Variants in CLSTN1 observed in about 807,000 individuals in gnomAD.
CLSTN1 encodes calsyntenin-1.
A neutral mutation model predicts 108.3 loss-of-function variants in CLSTN1; 28 were observed. The ratio of observed to expected loss-of-function variants is 0.26; its 90% confidence interval spans 0.19 to 0.35. The LOEUF (loss-of-function observed/expected upper bound fraction) is 0.35, where lower values mean the gene tolerates loss of function less well. Ranked by LOEUF, CLSTN1 falls within the 10% of genes least tolerant of loss-of-function variation. The probability of loss-of-function intolerance (pLI) is 1.00; values close to 1 mark genes in which losing one functional copy is unlikely to be tolerated. For synonymous variants in CLSTN1, 524 were observed against 534.9 expected (o/e 0.98, Z 0.28); for missense variants, 1,157 against 1,302.6 (o/e 0.89, Z 1.72).
At chr1:9,816,647 A>C (rs533879137) in intron 1 of CLSTN1, among the ~76,000 whole-genome samples, 1 of 151,612 alleles carries the variant, frequency 6.6e-6, no homozygotes, top group Non-Finnish European at 1.5e-5. Flanking sequence ...GGCATGACAA[A>C]AGTGGTCTTT....
At chr1:9,783,122 A>G (rs908716493) in intron 1 of CLSTN1, among the ~76,000 whole-genome samples, 1 of 152,218 alleles carries the variant, frequency 6.6e-6, no homozygotes, top group Non-Finnish European at 1.5e-5. Context: ...GGTGGCCCTG[A>G]TATCAGTCAA....
At chr1:9,783,755 G>A (rs1232009221) in intron 1 of CLSTN1, among the ~76,000 whole-genome samples, 1 of 152,144 alleles carries the variant, frequency 6.6e-6, no homozygotes, top group Non-Finnish European at 1.5e-5. Flanking sequence ...CACTTTGGGA[G>A]GCCAAGGTGA....
At chr1:9,745,993 A>C (rs1272778053) in intron 7 of CLSTN1, among the ~76,000 whole-genome samples, 1 of 151,826 alleles carries the variant, frequency 6.6e-6, no homozygotes, top group Non-Finnish European at 1.5e-5. Flanking sequence ...GTCTCCAACT[A>C]CTGGGCTCAA....
intron 1 of CLSTN1, among the ~76,000 whole-genome samples, chr1:9,807,873 C>T (rs541822892): frequency 6.6e-6 from 1 of 152,356 alleles, no homozygotes; most frequent in East Asian, 1.9e-4. Context: ...GCTCGGTCAC[C>T]TAGGACCCCA....
intron 2 of CLSTN1, among the ~76,000 whole-genome samples, chr1:9,756,999 C>T (rs1053518926): frequency 8.6e-5 from 13 of 151,622 alleles, no homozygotes; most frequent in African/African-American, 3.2e-4. Flanking sequence ...AGGATGGTCT[C>T]GATCTCCTGA....
chr1:9,738,310 C>A (rs1437214955), intron 10 of CLSTN1, among the ~76,000 whole-genome samples: 1 of 152,198 alleles, frequency 6.6e-6, no homozygotes, highest in Non-Finnish European at 1.5e-5. Flanking sequence ...AGAACCAACA[C>A]TCTCCAGGTC....
At chr1:9,737,618 C>A (rs893453898) in intron 10 of CLSTN1, 64 bp from the exon 11 acceptor site, 8 of 1,461,388 alleles carry the variant, frequency 5.5e-6, no homozygotes, top group Non-Finnish European at 7.6e-6. Context: ...CAAACCGGAC[C>A]TTGAAAACCA....
chr1:9,789,700 T>C (rs1012898499), intron 1 of CLSTN1, among the ~76,000 whole-genome samples: 3 of 151,600 alleles, frequency 2.0e-5, no homozygotes, highest in Admixed American at 6.7e-5. Flanking sequence ...TAAAATAAGC[T>C]GGGAGAGGTG....
chr1:9,789,238 CTT>C (rs1653649632), intron 1 of CLSTN1, among the ~76,000 whole-genome samples: 2 of 151,304 alleles, frequency 1.3e-5, no homozygotes, highest in Non-Finnish European at 1.5e-5. Context: ...GTGATTGTAT[CTT>C]TGTGTTTTGA....
At chr1:9,763,393 T>C (rs185977308) in intron 2 of CLSTN1, among the ~76,000 whole-genome samples, 1 of 152,322 alleles carries the variant, frequency 6.6e-6, no homozygotes, top group Non-Finnish European at 1.5e-5. Flanking sequence ...TTGTTAAAAA[T>C]GTGGTTTCCA....
intron 1 of CLSTN1, among the ~76,000 whole-genome samples, chr1:9,778,844 G>A (rs970776982): frequency 1.5e-4 from 22 of 151,346 alleles, no homozygotes; most frequent in East Asian, 5.8e-4. Context: ...GTAAAACCCC[G>A]TCTGTACTAA....
At chr1:9,807,011 T>TGG (rs200727734) in intron 1 of CLSTN1, among the ~76,000 whole-genome samples, 31 of 148,008 alleles carry the variant, frequency 2.1e-4, no homozygotes, top group African/African-American at 7.2e-4. Flanking sequence ...AGTAAGGGCG[T>TGG]GGGGGGGGGT....
chr1:9,787,005 G>A (rs1459712471), intron 1 of CLSTN1, among the ~76,000 whole-genome samples: 1 of 151,460 alleles, frequency 6.6e-6, no homozygotes, highest in Non-Finnish European at 1.5e-5. Flanking sequence ...AGGATGCCAG[G>A]AGAGTCCCAA....
chr1:9,756,749 C>T lies in CLSTN1; in HGVS notation c.215-239G>A, dbSNP rs189971102. On this transcript the variant is annotated intron_variant, in intron 2 of 18. Coordinates refer to ENST00000377298, the MANE Select transcript of CLSTN1 (RefSeq NM_001009566.3). The stretch of plus-strand genomic sequence containing the variant: ...TTAATTTAGGGATGAAATACTCCTA[C>T]ATGAAGTGTCCTAACACCCTCAGGG... Among the ~76,000 whole-genome samples the T allele has an allele frequency of 3.9e-5, 6 of 152,268 alleles. No homozygotes were observed. In the East Asian group the frequency reaches 1.2e-3, roughly 29 times the overall value.
chr1:9,777,717 G>A (rs1211574142), intron 1 of CLSTN1, among the ~76,000 whole-genome samples: 1 of 152,108 alleles, frequency 6.6e-6, no homozygotes, highest in Non-Finnish European at 1.5e-5. Flanking sequence ...GAAGACACCT[G>A]AGTTCTCGTC....
Position 9,749,908 on chromosome 1 carries a change from T to C in CLSTN1, c.655A>G (p.Ile219Val). The C allele has an allele frequency of 6.2e-7, 1 of 1,613,818 alleles. No individual in the cohort carries two copies. Among genetic ancestry groups the C allele is most frequent in the Non-Finnish European group, 8.5e-7 (1 of 1,179,852 alleles). ...VPFTVDKDGY[I>V]KNTEKLNYGK... ...TAGTTTAATTTCTCTGTGTTTTTTATATAACCTTACAGAGGGCAAAAACAA... is the reference window on the plus strand; with the variant it reads ...TAGTTTAATTTCTCTGTGTTTTTTACATAACCTTACAGAGGGCAAAAACAA... The change falls in exon 6 of 19, where the codon ATA becomes GTA. Residue 219 changes from isoleucine to valine, a missense_variant. Coordinates refer to ENST00000377298, the MANE Select transcript of CLSTN1 (RefSeq NM_001009566.3).
intron 1 of CLSTN1, among the ~76,000 whole-genome samples, chr1:9,797,716 G>C (rs547152693): frequency 3.9e-5 from 6 of 152,236 alleles, no homozygotes; most frequent in African/African-American, 1.4e-4. Context: ...AAGGAACAGA[G>C]GAGGCTTGGC....
At chr1:9,803,576 G>C (rs1052800793) in intron 1 of CLSTN1, among the ~76,000 whole-genome samples, 6 of 152,174 alleles carry the variant, frequency 3.9e-5, no homozygotes, top group African/African-American at 1.4e-4. Context: ...GCCAATGTGG[G>C]CAGATAACTT....
At chr1:9,820,687 C>A (rs751010928) in intron 1 of CLSTN1, among the ~76,000 whole-genome samples, 1 of 152,182 alleles carries the variant, frequency 6.6e-6, no homozygotes, top group Non-Finnish European at 1.5e-5. Context: ...TCACACAATA[C>A]TGGCATGCCT....
Sources: allele counts gnomAD v4.1 joint callset (sites outside exome capture counted in the v4.1 genomes callset), GRCh38; gene constraint gnomAD v4.1.1; transcripts MANE v1.5; gene names NCBI Gene and HGNC (gene_info 2026-07-23, HGNC 2026-07-21).